CFAP44: variants seen among roughly 807,000 people sequenced by gnomAD.
The protein encoded by CFAP44 is cilia and flagella associated protein 44.
In CFAP44, 134 loss-of-function variants were observed where a neutral mutation model predicts 216.2. That is an observed-to-expected ratio of 0.62 (90% CI 0.54 to 0.72). The LOEUF is 0.72. Ranked by LOEUF, CFAP44 falls within the 30% of genes least tolerant of loss-of-function variation. The pLI is 0.00. For synonymous variants in CFAP44, 700 were observed against 727.6 expected, an observed-to-expected ratio of 0.96 and a Z score of 0.61; for missense variants, 2,035 against 2,182.1, an observed-to-expected ratio of 0.93 and a Z score of 1.34.
Position 113,403,917 on chromosome 3 carries a change from G to C in CFAP44, c.1105C>G (p.Pro369Ala). The C allele has an allele frequency of 6.2e-7, 1 of 1,614,082 alleles. No homozygotes were observed. Among genetic ancestry groups the C allele is most frequent in the African/African-American group, 1.3e-5 (1 of 75,006 alleles). ...RGTSKSCHNGPINQIMLYEGE... is the reference protein window; with the variant it reads ...RGTSKSCHNGAINQIMLYEGE... ...TCATACAGCATTATCTGGTTAATGG[G>C]ACCATTGTGACATGACTTGCTTGTC... The change falls in exon 9 of 35, where the codon CCC becomes GCC. Residue 369 changes from proline to alanine, a missense_variant. Around this residue, in one of 3 missense-constraint regions of CFAP44, gnomAD observed 1,883 missense variants for 2,023.7 expected, o/e 0.93. Coordinates refer to ENST00000393845, the MANE Select transcript of CFAP44 (RefSeq NM_001164496.2).
chr3:113,370,099 A>G (rs1353899174), intron 18 of CFAP44, among the ~76,000 whole-genome samples: 4 of 152,182 alleles, frequency 2.6e-5, no homozygotes, highest in Admixed American at 1.3e-4. Flanking sequence ...TACCCTACCA[A>G]CCAAAAAAAG....
At chr3:113,400,410 T>G in intron 12 of CFAP44, 135 bp downstream of exon 12, 1 of 669,042 alleles carries the variant, frequency 1.5e-6, no homozygotes, top group Non-Finnish European at 2.3e-6. Context: ...TCTCCACAGC[T>G]CAACTCGCTT....
chr3:113,316,182 C>T (rs1219126715), intron 28 of CFAP44, among the ~76,000 whole-genome samples: 2 of 152,134 alleles, frequency 1.3e-5, no homozygotes, highest in Non-Finnish European at 2.9e-5. Context: ...CTAAACAACA[C>T]ATTTCTATAC....
At chr3:113,384,738 T>G (rs1933602627) in intron 15 of CFAP44, among the ~76,000 whole-genome samples, 1 of 152,176 alleles carries the variant, frequency 6.6e-6, no homozygotes, top group African/African-American at 2.4e-5. Context: ...TTATGTTGTT[T>G]AAGCCATCCA....
chr3:113,435,104 T>C (rs1180025909), intron 1 of CFAP44, among the ~76,000 whole-genome samples: 2 of 152,210 alleles, frequency 1.3e-5, no homozygotes, highest in Non-Finnish European at 2.9e-5. Context: ...ATGCCTGTAA[T>C]CCTGGCAGTT....
chr3:113,401,472 C>T lies in CFAP44; in HGVS notation c.1326+112G>A, dbSNP rs1934139889. On this transcript the variant is annotated intron_variant, in intron 10 of 34. Coordinates refer to ENST00000393845, the MANE Select transcript of CFAP44 (RefSeq NM_001164496.2). Reference sequence around the variant, plus strand: ...TTTTAGACTAAAGCCACACAATAAGCAATCTCATAACACTTACAGTCAAAT... The same window carrying T: ...TTTTAGACTAAAGCCACACAATAAGTAATCTCATAACACTTACAGTCAAAT... The T allele has an allele frequency of 1.1e-5, 15 of 1,318,258 alleles. No individual in the cohort carries two copies. The South Asian group carries it at 1.8e-4, about 16-fold the overall frequency. 81.7% of individuals were successfully genotyped at this position (1,318,258 alleles called of 1,614,324 possible). A position where few individuals can be genotyped will look rare whatever the true frequency, so the allele number is the denominator to read the frequency against.
At chr3:113,293,867 C>T (rs985564291) in intron 34 of CFAP44, 7 of 361,156 alleles carry the variant, frequency 1.9e-5, no homozygotes, top group South Asian at 1.1e-4. Flanking sequence ...TCAGAATCCC[C>T]GGGAAGGCTG....
intron 24 of CFAP44, among the ~76,000 whole-genome samples, chr3:113,339,971 A>G (rs1324223856): frequency 6.6e-6 from 1 of 152,146 alleles, no homozygotes; most frequent in Admixed American, 6.5e-5. Flanking sequence ...TTCAGACTAG[A>G]TTGAATTCCT....
At chr3:113,319,366 C>T (rs995399974) in intron 28 of CFAP44, among the ~76,000 whole-genome samples, 11 of 152,164 alleles carry the variant, frequency 7.2e-5, no homozygotes, top group African/African-American at 2.4e-4. Context: ...ATAAAGAGTG[C>T]AATCCAACAG....
chr3:113,329,280 G>C (rs1043668859), intron 26 of CFAP44, among the ~76,000 whole-genome samples: 4 of 152,310 alleles, frequency 2.6e-5, no homozygotes, highest in South Asian at 2.1e-4. Context: ...GCTGGAGAGG[G>C]TTTGGAACTG....
chr3:113,420,908 G>C (rs1458648467), intron 4 of CFAP44, among the ~76,000 whole-genome samples: 2 of 152,006 alleles, frequency 1.3e-5, no homozygotes, highest in Non-Finnish European at 2.9e-5. Flanking sequence ...TATATGTATT[G>C]GTGTGTAGGT....
At chr3:113,363,658 T>G in intron 19 of CFAP44, 126 bp from the exon 20 acceptor site, 3 of 809,986 alleles carry the variant, frequency 3.7e-6, no homozygotes, top group Non-Finnish European at 5.4e-6. Context: ...TTTCTAATAA[T>G]TATAGGTCTG....
intron 28 of CFAP44, among the ~76,000 whole-genome samples, chr3:113,309,687 A>G (rs1483996783): frequency 6.6e-6 from 1 of 152,204 alleles, no homozygotes; most frequent in Admixed American, 6.5e-5. Flanking sequence ...TATAAATACA[A>G]CTAAACATTA....
chr3:113,342,766 C>T (rs1950344728), intron 23 of CFAP44, among the ~76,000 whole-genome samples: 1 of 151,710 alleles, frequency 6.6e-6, no homozygotes, highest in South Asian at 2.1e-4. Flanking sequence ...CCAAGGTAGG[C>T]AGATTGCCTG....
At chr3:113,408,281 G>A (rs965458440) in intron 7 of CFAP44, among the ~76,000 whole-genome samples, 3 of 152,142 alleles carry the variant, frequency 2.0e-5, no homozygotes, top group Middle Eastern at 3.2e-3. Flanking sequence ...ATTCCATCCC[G>A]GAAATAGACG....
At chr3:113,311,621 C>G (rs1243404560) in intron 28 of CFAP44, among the ~76,000 whole-genome samples, 1 of 152,082 alleles carries the variant, frequency 6.6e-6, no homozygotes, top group Non-Finnish European at 1.5e-5. Flanking sequence ...TGGACTAATA[C>G]AGTAAATTGG....
At chr3:113,393,902 G>A (rs780751479) in intron 15 of CFAP44, among the ~76,000 whole-genome samples, 5 of 152,082 alleles carry the variant, frequency 3.3e-5, no homozygotes, top group South Asian at 2.1e-4. Context: ...CTACAAGCCC[G>A]TGAGGCCCTC....
In CFAP44 at chr3:113,379,437, G is replaced by A. The variant is rs1344589180; in HGVS notation, c.2167C>T (p.Gln723Ter). The A allele has an allele frequency of 6.2e-7, 1 of 1,612,368 alleles. No homozygotes were observed. The highest frequency in any genetic ancestry group is 2.2e-5 in the East Asian group (1 of 44,818). Reference sequence around the variant, plus strand: ...TCCTCTTTCTCCTCTTCCTCCTCCTGAAATTCTTTTTCTCCATCTTCTCCC... The same window carrying A: ...TCCTCTTTCTCCTCTTCCTCCTCCTAAAATTCTTTTTCTCCATCTTCTCCC... The part of the protein sequence containing the change: ...EMGEDGEKEF[Q>*]EEEEEKEEEE... Residue 723 changes from glutamine to a stop codon, truncating the protein, a stop_gained, in exon 17 of 35, where the codon CAG (glutamine) becomes TAG (stop). Coordinates refer to ENST00000393845, the MANE Select transcript of CFAP44 (RefSeq NM_001164496.2). LOFTEE classifies it high-confidence loss of function.
chr3:113,311,088 A>C (rs1177751556), intron 28 of CFAP44, among the ~76,000 whole-genome samples: 1 of 152,260 alleles, frequency 6.6e-6, no homozygotes, highest in African/African-American at 2.4e-5. Context: ...GTCAACACTA[A>C]GATGACAGAG....
Sources: gnomAD v4.1 joint callset for allele counts (sites outside exome capture counted in the v4.1 genomes callset) on GRCh38, gnomAD v4.1.1 for gene constraint, gnomAD v4.1.1 regional missense constraint, MANE v1.5 for transcripts, NCBI Gene and HGNC (gene_info 2026-07-23, HGNC 2026-07-21) for gene names.